The following ACLY variants were observed in gnomAD, a reference collection of about 807,000 sequenced individuals.
ACLY encodes ATP citrate lyase.
ACLY carries 41 observed loss-of-function variants against 133.0 expected under a neutral mutation model. The ratio of observed to expected loss-of-function variants is 0.31; its 90% CI spans 0.24 to 0.40. The LOEUF is 0.40. Ranked by LOEUF, ACLY falls within the 10% of genes least tolerant of loss-of-function variation. The pLI is 1.00. For missense variants in ACLY, 1,046 were observed against 1,453.8 expected, an observed-to-expected ratio of 0.72 and a Z score of 4.56; for synonymous variants, 495 against 549.3, an observed-to-expected ratio of 0.90 and a Z score of 1.38.
At chr17:41,883,054 G>A in intron 20 of ACLY, 68 bp downstream of exon 20, 1 of 1,271,300 alleles carries the variant, frequency 7.9e-7, no homozygotes, top group South Asian at 1.3e-5. Context: ...ATGATTACCT[G>A]GTTCGCCTCA....
chr17:41,899,129 A>G (rs1459506511), intron 11 of ACLY, among the ~76,000 whole-genome samples: 1 of 152,102 alleles, frequency 6.6e-6, no homozygotes, highest in African/African-American at 2.4e-5. Context: ...ACAAAAAATT[A>G]GCCAGGCGTG....
Position 41,897,738 on chromosome 17 carries a change from C to T in ACLY, c.1429+11G>A. The T allele has an allele frequency of 6.2e-7, 1 of 1,612,568 alleles. No homozygotes were observed. The highest frequency in any genetic ancestry group is 8.5e-7 in the Non-Finnish European group (1 of 1,179,364). ...ACTCCCTGCAACATGCCTGAAGCCT[C>T]AGGGAGTTACCTTGTGGCATGGCAG... is the stretch of plus-strand genomic sequence containing the variant. On this transcript the variant is annotated intron_variant, in intron 13 of 28. Coordinates refer to ENST00000352035, the MANE Select transcript of ACLY (RefSeq NM_001096.3).
intron 14 of ACLY, 68 bp downstream of exon 14, chr17:41,896,549 GAGC>G: frequency 7.1e-7 from 1 of 1,402,156 alleles, no homozygotes; most frequent in Non-Finnish European, 9.7e-7. Flanking sequence ...GGGGGAAACA[GAGC>G]ACACAGTAAA....
At chr17:41,919,079 C>G (rs1260965996), upstream of ACLY, 14 of 1,221,678 alleles carry the variant, frequency 1.1e-5, no homozygotes, top group Non-Finnish European at 1.5e-5. Context: ...CGCCAGGGCT[C>G]CTCCCAATTC....
intron 5 of ACLY, 90 bp downstream of exon 5, chr17:41,909,417 AGAG>A (rs1598036765): frequency 7.1e-7 from 1 of 1,401,952 alleles, no homozygotes; most frequent in Non-Finnish European, 9.9e-7. Flanking sequence ...TGGCTCCCAG[AGAG>A]GAGACCGCTC....
intron 1 of ACLY, among the ~76,000 whole-genome samples, chr17:41,925,738 T>TGAA (rs2050235961): frequency 6.6e-6 from 1 of 152,076 alleles, no homozygotes; most frequent in Non-Finnish European, 1.5e-5. Flanking sequence ...GGGCTCACAG[T>TGAA]GAAGGCAGTA....
At chr17:41,893,195 G>C (rs375894995) in intron 14 of ACLY, 21 bp from the exon 15 acceptor site, 22 of 1,607,338 alleles carry the variant, frequency 1.4e-5, no homozygotes, top group Non-Finnish European at 1.8e-5. Flanking sequence ...AAGACACAGA[G>C]AGTGCACCCA....
intron 22 of ACLY, among the ~76,000 whole-genome samples, chr17:41,877,810 T>A (rs782671675): frequency 1.3e-5 from 2 of 152,170 alleles, no homozygotes; most frequent in African/African-American, 4.8e-5. Context: ...TGCTGGATGC[T>A]TCCTGCCCTC....
intron 6 of ACLY, among the ~76,000 whole-genome samples, chr17:41,908,494 T>C (rs2049793034): frequency 1.3e-5 from 2 of 152,242 alleles, no homozygotes; most frequent in African/African-American, 4.8e-5. Context: ...CCGGGCGTGG[T>C]GGCTCACGCC....
intron 1 of ACLY, among the ~76,000 whole-genome samples, chr17:41,925,938 G>A (rs889074923): frequency 1.3e-5 from 2 of 151,652 alleles, no homozygotes; most frequent in African/African-American, 2.4e-5. Context: ...TCTGCCTCTC[G>A]GGTTCAAGTG....
upstream of ACLY, among the ~76,000 whole-genome samples, chr17:41,919,577 G>A (rs2050149764): frequency 6.6e-6 from 1 of 152,208 alleles, no homozygotes; most frequent in South Asian, 2.1e-4. Flanking sequence ...GATAAGGCAG[G>A]GGCCGCGGTA....
At chr17:41,896,066 C>A (rs2049357150) in intron 14 of ACLY, among the ~76,000 whole-genome samples, 1 of 152,144 alleles carries the variant, frequency 6.6e-6, no homozygotes, top group Admixed American at 6.6e-5. Flanking sequence ...TTCTTCACCT[C>A]TTTTGTTCCT....
At chr17:41,892,181 A>C in intron 16 of ACLY, 98 bp downstream of exon 16, 1 of 1,236,332 alleles carries the variant, frequency 8.1e-7, no homozygotes, top group Non-Finnish European at 1.1e-6. Flanking sequence ...ACCAGGAGCC[A>C]TTCCTGCTTC....
rs782289516 is a variant in ACLY, at chr17:41,887,624, C to T, written c.1850G>A (p.Gly617Glu). 7 of 1,613,848 alleles carry T rather than the reference C, an allele frequency of 4.3e-6. No individual in the cohort carries two copies. In the Admixed American group the frequency reaches 6.7e-5, roughly 15 times the overall value. ...RKLIKKADQK[G>E]VTIIGPATVG... ...AGTGGCAGGTCCGATGATGGTCACT[C>T]CCTTCTGGTCCGCCTTCTTGATCAG... The change falls in exon 17 of 29, where the codon GGA becomes GAA. Residue 617 changes from glycine (G) to glutamate (E), a missense_variant. Physicochemically the swap from Gly to Glu is moderately conservative, Grantham distance 98. Around this residue, in one of 4 missense-constraint regions of ACLY, gnomAD observed 575 missense variants for 804.2 expected, o/e 0.71. Transcript: ENST00000352035.
intron 7 of ACLY, 115 bp from the exon 8 acceptor site, chr17:41,906,761 T>C: frequency 1.0e-6 from 1 of 960,910 alleles, no homozygotes; most frequent in Non-Finnish European, 1.7e-6. Flanking sequence ...CTTAATGGGG[T>C]GGGAAGAAGG....
chr17:41,929,865 C>CGTGTGT (rs34705137), intron 1 of ACLY, among the ~76,000 whole-genome samples: 127 of 150,064 alleles, frequency 8.5e-4, no homozygotes, highest in African/African-American at 2.4e-3. Context: ...ACATGTATGC[C>CGTGTGT]GTGTGTGTGT....
At chr17:41,895,067 G>A (rs985272149) in intron 14 of ACLY, among the ~76,000 whole-genome samples, 4 of 152,166 alleles carry the variant, frequency 2.6e-5, no homozygotes, top group African/African-American at 9.7e-5. Context: ...AGAACAAGGG[G>A]AGCCACCTAA....
intron 14 of ACLY, among the ~76,000 whole-genome samples, chr17:41,895,031 C>T (rs1351688120): frequency 3.3e-5 from 5 of 152,198 alleles, no homozygotes; most frequent in Admixed American, 6.5e-5. Context: ...CTAGACCCCC[C>T]GGGTTCTGCT....
Position 41,884,919 on chromosome 17 carries a change from G to C in ACLY, c.2073-645C>G, listed in dbSNP as rs112829709. Among the ~76,000 whole-genome samples, 28 of 152,246 alleles carry C rather than the reference G, an allele frequency of 1.8e-4. 1 individual carries two copies. The highest frequency in any genetic ancestry group is 6.3e-4 in the African/African-American group (26 of 41,558). ...AAGTCTTGCTCTTTCACCCAGGCTT[G>C]AGTGTAGTGGTGCGATGTTGGTGCA... On this transcript the variant is annotated intron_variant, in intron 18 of 28. Coordinates refer to ENST00000352035, the MANE Select transcript of ACLY (RefSeq NM_001096.3).
Sources: allele counts gnomAD v4.1 joint callset (sites outside exome capture counted in the v4.1 genomes callset), GRCh38; gene constraint gnomAD v4.1.1; regional missense constraint gnomAD v4.1.1; transcripts MANE v1.5; gene names NCBI Gene and HGNC (gene_info 2026-07-23, HGNC 2026-07-21).